Variants in ARHGAP20 observed in about 807,000 individuals in gnomAD.
ARHGAP20 encodes the protein rho GTPase-activating protein 20.
A neutral mutation model predicts 73.7 loss-of-function variants in ARHGAP20; 34 were observed. That is an observed-to-expected ratio of 0.46 (90% CI 0.35 to 0.61). The LOEUF (loss-of-function observed/expected upper bound fraction) is 0.61. Among genes scored for constraint, ARHGAP20 ranks in the 20% least tolerant of loss-of-function variants. The pLI is 0.00. For missense variants in ARHGAP20, 1,314 were observed against 1,420.9 expected, an observed-to-expected ratio of 0.92 and a Z score of 1.21; for synonymous variants, 523 against 518.2, an observed-to-expected ratio of 1.01 and a Z score of -0.13.
chr11:110,631,970 T>G (rs1201701658), intron 2 of ARHGAP20, among the ~76,000 whole-genome samples: 1 of 152,228 alleles, frequency 6.6e-6, no homozygotes, highest in Non-Finnish European at 1.5e-5. Context: ...TTGTGTAAGA[T>G]ATTACTTCCT....
At chr11:110,650,910 C>G (rs1949337121) in intron 2 of ARHGAP20, among the ~76,000 whole-genome samples, 1 of 152,082 alleles carries the variant, frequency 6.6e-6, no homozygotes. Flanking sequence ...GATGCGAGGA[C>G]AAATCTTTCA....
At chr11:110,650,099 C>T (rs542294249) in intron 2 of ARHGAP20, among the ~76,000 whole-genome samples, 1 of 152,184 alleles carries the variant, frequency 6.6e-6, no homozygotes, top group East Asian at 1.9e-4. Flanking sequence ...CTAATAATAG[C>T]CTACAATGTG....
At chr11:110,597,928 C>T (rs924543826) in intron 9 of ARHGAP20, among the ~76,000 whole-genome samples, 1 of 152,168 alleles carries the variant, frequency 6.6e-6, no homozygotes. Flanking sequence ...AATGAAAAAA[C>T]ATGCTATTGC....
chr11:110,679,783 T>C (rs1950003165), intron 2 of ARHGAP20, among the ~76,000 whole-genome samples: 1 of 152,226 alleles, frequency 6.6e-6, no homozygotes, highest in Admixed American at 6.5e-5. Context: ...ATCCATTCTC[T>C]GTGTTTTCTC....
In ARHGAP20 at chr11:110,582,357, C is replaced by A. The variant is rs1342803715; in HGVS notation, c.1684G>T (p.Val562Phe). 6.2e-7 allele frequency: 1 copy of A among 1,613,648 alleles called. No homozygotes were observed. The highest frequency in any genetic ancestry group is 1.1e-5 in the South Asian group (1 of 91,060). Residue 562 changes from valine (V) to phenylalanine (F), a missense_variant, in exon 14 of 15, where the codon GTT becomes TTT. Coordinates refer to ENST00000683387, the MANE Select transcript of ARHGAP20 (RefSeq NM_001384657.1). ...GEEITSLFRE[V>F]SVRCDTRENA... ...TCTCTAGTGTCACATCTCACTGAAA[C>A]CTCTCTGAAGAGGGAAGTGATTTCT... is the stretch of plus-strand genomic sequence containing the variant.
rs188472150 is a variant in ARHGAP20 at position 110,593,931 on chromosome 11, C to T, written c.965-1776G>A. On this transcript the variant is annotated intron_variant, in intron 9 of 14. Transcript: ENST00000683387. Reference sequence around the variant, plus strand: ...ATTGGTAATTAGACTGGCTGTGTGGCATTGTTCCTTATGACACCAAACTAA... The same window carrying T: ...ATTGGTAATTAGACTGGCTGTGTGGTATTGTTCCTTATGACACCAAACTAA... 5.1e-3 allele frequency among the ~76,000 whole-genome samples: 773 copies of T among 152,354 alleles called. 7 individuals carry two copies. Among genetic ancestry groups the T allele is most frequent in the African/African-American group, 0.018 (738 of 41,580 alleles).
Position 110,590,726 on chromosome 11 carries a change from T to C in ARHGAP20, c.1227A>G (p.Glu409=), listed in dbSNP as rs1947804203. ...CTCCAGAATTCAATTTCTCTTTTAG[T>C]TCTCTGCAGGATTTCACATTGGCTG... is the stretch of plus-strand genomic sequence containing the variant. ...RQSANVKSCR[E]LKEKLNSGVE... Residue 409 remains glutamate, a synonymous_variant, in exon 11 of 15, where the codon GAA becomes GAG. Coordinates refer to ENST00000683387, the MANE Select transcript of ARHGAP20 (RefSeq NM_001384657.1). The C allele has an allele frequency of 1.2e-6, 2 of 1,614,174 alleles. No homozygotes were observed. Among genetic ancestry groups the C allele is most frequent in the East Asian group, 4.5e-5 (2 of 44,884 alleles).
chr11:110,688,858 G>T (rs1413716087), intron 2 of ARHGAP20, among the ~76,000 whole-genome samples: 1 of 152,168 alleles, frequency 6.6e-6, no homozygotes, highest in East Asian at 1.9e-4. Flanking sequence ...TCTTCTGGGG[G>T]TAGGTGAGAA....
chr11:110,690,882 T>C (rs1051209950), intron 1 of ARHGAP20: 81 of 1,114,742 alleles, frequency 7.3e-5, no homozygotes, highest in Non-Finnish European at 9.7e-5. Context: ...GGTTAAATGT[T>C]TACCAGAATA....
rs1287386021 is a variant in ARHGAP20 at position 110,591,998 on chromosome 11, G to A, written c.1122C>T (p.Asp374=). The A allele has an allele frequency of 1.2e-6, 2 of 1,614,048 alleles. No homozygotes were observed. Among genetic ancestry groups the A allele is most frequent in the Admixed American group, 3.3e-5 (2 of 60,014 alleles). ...GISLPNICEN[D]NLPKPVLDML... ...TTACCAAGACAGGTTTGGGCAGATT[G>A]TCATTCTCACAAATATTTGGCAGAG... Residue 374 remains aspartate, a synonymous_variant, in exon 10 of 15, where the codon GAC becomes GAT. Transcript: ENST00000683387.
At position 110,712,028 on chromosome 11, in the gene ARHGAP20, G is replaced by C. The variant is rs918739582; in HGVS notation, c.105+99C>G. 3.2e-6 allele frequency: 4 copies of C among 1,243,014 alleles called. No homozygotes were observed. The African/African-American group carries it at 6.2e-5, about 19-fold the overall frequency. The allele number at this position is 1,243,014 out of a possible 1,614,324, so 77.0% of individuals were successfully genotyped here. A position where few individuals can be genotyped will look rare whatever the true frequency, so the allele number is the denominator to read the frequency against. ...GAGCCTCGAGCGTCAAATTCCCGCG[G>C]CGTCCGCCTAGCGCGCTGCTGTGGC... On this transcript the variant is annotated intron_variant, in intron 1 of 14. Transcript: ENST00000683387.
intron 4 of ARHGAP20, among the ~76,000 whole-genome samples, chr11:110,616,686 C>CTTTTTTTTT (rs58360001): frequency 7.1e-6 from 1 of 140,210 alleles, no homozygotes; most frequent in Non-Finnish European, 1.6e-5. Context: ...ACATTTTTTT[C>CTTTTTTTTT]TTTTTTTTTT....
chr11:110,666,027 A>G (rs1949717090), intron 2 of ARHGAP20, among the ~76,000 whole-genome samples: 1 of 152,156 alleles, frequency 6.6e-6, no homozygotes, highest in Non-Finnish European at 1.5e-5. Context: ...ACACATATAT[A>G]CACACACATA....
Position 110,579,530 on chromosome 11 carries a change from G to T in ARHGAP20, c.3416C>A (p.Ser1139Ter). 6.2e-7 allele frequency: 1 copy of T among 1,614,130 alleles called. No homozygotes were observed. The highest frequency in any genetic ancestry group is 1.1e-5 in the South Asian group (1 of 91,058). The change falls in exon 15 of 15, where the codon TCA (serine) becomes TAA (stop). Residue 1139 changes from serine (S) to a stop codon, truncating the protein, a stop_gained. Transcript: ENST00000683387. LOFTEE classifies it low-confidence loss of function (END_TRUNC). ...ACTACCAGGCTCTATTTCCTCATGT[G>T]ACTTCATGCACAGCTTAAGTCTGCT... ...VESRLKLCMKSHEEIEPGSQS... is the reference protein window; with the variant it reads ...VESRLKLCMK
At chr11:110,650,342 T>C (rs150811262) in intron 2 of ARHGAP20, among the ~76,000 whole-genome samples, 49 of 152,306 alleles carry the variant, frequency 3.2e-4, no homozygotes, top group African/African-American at 1.1e-3. Flanking sequence ...GTTTCTTCTA[T>C]AACTACAAAA....
chr11:110,621,740 C>A (rs1014216315), intron 4 of ARHGAP20, among the ~76,000 whole-genome samples: 2 of 152,166 alleles, frequency 1.3e-5, no homozygotes, highest in Non-Finnish European at 2.9e-5. Context: ...ACATATGAAT[C>A]ATCTCAAGAT....
At chr11:110,675,991 A>G (rs187450730) in intron 2 of ARHGAP20, among the ~76,000 whole-genome samples, 1 of 152,230 alleles carries the variant, frequency 6.6e-6, no homozygotes, top group Admixed American at 6.5e-5. Flanking sequence ...CCTCATGGTG[A>G]GCAGTCTTTG....
At chr11:110,599,597 G>A (rs1948059824) in intron 9 of ARHGAP20, among the ~76,000 whole-genome samples, 1 of 152,306 alleles carries the variant, frequency 6.6e-6, no homozygotes, top group Admixed American at 6.5e-5. Flanking sequence ...AAAGCTGGGG[G>A]CCAGGCTGCC....
chr11:110,584,475 C>T (rs1947565938), intron 12 of ARHGAP20, among the ~76,000 whole-genome samples: 1 of 151,190 alleles, frequency 6.6e-6, no homozygotes, highest in Non-Finnish European at 1.5e-5. Context: ...AGTCTGACTG[C>T]TGCTTGCACA....
Sources: gnomAD v4.1 joint callset for allele counts (sites outside exome capture counted in the v4.1 genomes callset) on GRCh38, gnomAD v4.1.1 for gene constraint, MANE v1.5 for transcripts, NCBI Gene and HGNC (gene_info 2026-07-23, HGNC 2026-07-21) for gene names.